Variants in SREBF2 observed in about 807,000 individuals in gnomAD.
SREBF2 encodes the protein sterol regulatory element binding transcription factor 2.
SREBF2 carries 55 observed loss-of-function variants against 113.1 expected under a neutral mutation model. That is an observed-to-expected ratio of 0.49 (90% CI 0.39 to 0.61). SREBF2 has a LOEUF of 0.61. Ranked by LOEUF, SREBF2 falls within the 20% of genes least tolerant of loss-of-function variation. The pLI, the probability that SREBF2 is intolerant of heterozygous loss-of-function variation, is 0.00. For synonymous variants in SREBF2, 593 were observed against 605.7 expected, an observed-to-expected ratio of 0.98 and a Z score of 0.31; for missense variants, 1,349 against 1,487.4, an observed-to-expected ratio of 0.91 and a Z score of 1.53.
chr22:41,880,854 G>T lies in SREBF2; in HGVS notation c.1900G>T (p.Val634Leu). 1 of 1,614,062 alleles carries T rather than the reference G, an allele frequency of 6.2e-7. No homozygotes were observed. Among genetic ancestry groups the T allele is most frequent in the South Asian group, 1.1e-5 (1 of 91,090 alleles). ...CTACAGCCTGCAGAAGCTACGCCTG[G>T]TGCGCTGGCTGCTCAAGAAAGTCTT... ...IRYSLQKLRL[V>L]RWLLKKVFQC... Residue 634 changes from valine to leucine, a missense_variant, in exon 10 of 19, where the codon GTG (valine) becomes TTG (leucine). Val to Leu is a conservative substitution (Grantham distance 32, BLOSUM62 1). Coordinates refer to ENST00000361204, the MANE Select transcript of SREBF2 (RefSeq NM_004599.4).
intron 5 of SREBF2, among the ~76,000 whole-genome samples, chr22:41,874,879 C>G (rs528532403): frequency 1.3e-5 from 2 of 152,090 alleles, no homozygotes; most frequent in South Asian, 4.2e-4. Flanking sequence ...TGCACTCCAT[C>G]CTGGGCAACA....
At chr22:41,892,564 C>G (rs542042643) in intron 11 of SREBF2, among the ~76,000 whole-genome samples, 1 of 145,746 alleles carries the variant, frequency 6.9e-6, no homozygotes, top group Admixed American at 7.1e-5. Context: ...AGGAGAATGG[C>G]GTGAACCCGG....
chr22:41,846,642 C>T (rs1408639935), intron 1 of SREBF2, among the ~76,000 whole-genome samples: 1 of 152,254 alleles, frequency 6.6e-6, no homozygotes, highest in Non-Finnish European at 1.5e-5. Context: ...CTCCATCTCT[C>T]CATTTTGCAC....
At chr22:41,884,768 C>T (rs981264236) in intron 10 of SREBF2, 74 bp from the exon 11 acceptor site, 15 of 1,522,698 alleles carry the variant, frequency 9.9e-6, no homozygotes, top group African/African-American at 4.1e-5. Context: ...TTACTTTGAT[C>T]GTGCTGGAGA....
chr22:41,834,441 A>G (rs759921203), intron 1 of SREBF2: 2 of 152,628 alleles, frequency 1.3e-5, no homozygotes, highest in African/African-American at 2.4e-5. Flanking sequence ...AAGGCCACTC[A>G]CCTTAGAGAG....
Position 41,874,037 on chromosome 22 carries a change from T to C in SREBF2, c.1089+18T>C. ...ACGCCAAGGTGGGTGCCAAGCAAAA[T>C]TGTGTTTTATGTTCCACCATCTCCC... On this transcript the variant is annotated intron_variant, in intron 5 of 18. Coordinates refer to ENST00000361204, the MANE Select transcript of SREBF2 (RefSeq NM_004599.4). 1 of 1,613,754 alleles carries C rather than the reference T, an allele frequency of 6.2e-7. No individual in the cohort carries two copies. Among genetic ancestry groups the C allele is most frequent in the Non-Finnish European group, 8.5e-7 (1 of 1,179,848 alleles).
At chr22:41,895,926 G>A (rs1017653437) in intron 13 of SREBF2, among the ~76,000 whole-genome samples, 2 of 151,918 alleles carry the variant, frequency 1.3e-5, no homozygotes, top group African/African-American at 2.4e-5. Context: ...GGCAGATCAC[G>A]AGGTCAGGAG....
In SREBF2 at chr22:41,905,668, G is replaced by A; in HGVS notation, c.*8G>A. On this transcript the variant is annotated 3_prime_UTR_variant, in exon 19 of 19. Transcript: ENST00000361204. ...GCCATTGCCGCCTCCTGACCACCAG[G>A]CTCAGCCCACCCCTCCACCTCTCTC... 1 of 1,566,518 alleles carries A rather than the reference G, an allele frequency of 6.4e-7. No individual in the cohort carries two copies. Among genetic ancestry groups the A allele is most frequent in the African/African-American group, 1.4e-5 (1 of 73,836 alleles).
At position 41,900,495 on chromosome 22, in the gene SREBF2, C is replaced by T. The variant is rs1347977430; in HGVS notation, c.2904C>T (p.Asn968=). 1.2e-6 allele frequency: 2 copies of T among 1,612,788 alleles called. No homozygotes were observed. Among genetic ancestry groups the T allele is most frequent in the East Asian group, 2.2e-5 (1 of 44,874 alleles). ...VSGATSDPAL[N]HVVQLLTCDL... ...GGGCCACCTCTGACCCTGCCCTCAA[C>T]CACGTGAGTGGGAGCTGAGTTGGCC... is the stretch of plus-strand genomic sequence containing the variant. The change falls in exon 16 of 19, where the codon AAC becomes AAT. Residue 968 remains asparagine (N), a synonymous_variant. Transcript: ENST00000361204.
At position 41,833,331 on chromosome 22, in the gene SREBF2, G is replaced by A. The variant is rs1232701701; in HGVS notation, c.61G>A (p.Asp21Asn). ...ETMETLTELG[D>N]ELTLGDIDEM... ...CATGGAGACCCTCACGGAGCTGGGC[G>A]ACGAGCTGACCCTGGGAGACATCGA... The change falls in exon 1 of 19, where the codon GAC becomes AAC. Residue 21 changes from aspartate (D) to asparagine (N), a missense_variant. Around this residue, in one of 2 missense-constraint regions of SREBF2, gnomAD observed 699 missense variants for 843.3 expected, o/e 0.83. Coordinates refer to ENST00000361204, the MANE Select transcript of SREBF2 (RefSeq NM_004599.4). The surrounding 1 kb of genome is among the most constrained non-coding windows in gnomAD (Gnocchi z 4.1). The A allele has an allele frequency of 3.2e-6, 4 of 1,262,694 alleles. No homozygotes were observed. The highest frequency in any genetic ancestry group is 4.1e-6 in the Non-Finnish European group (4 of 964,822). 78.2% of individuals were successfully genotyped at this position (1,262,694 alleles called of 1,614,324 possible).
At chr22:41,878,689 C>T in intron 9 of SREBF2, 1 of 1,304,284 alleles carries the variant, frequency 7.7e-7, no homozygotes, top group South Asian at 1.2e-5. Flanking sequence ...TGGGGCAACT[C>T]ACAGCATTGA....
chr22:41,874,045 T>C (rs1173989664), intron 5 of SREBF2, 26 bp downstream of exon 5: 3 of 1,613,306 alleles, frequency 1.9e-6, no homozygotes, highest in Non-Finnish European at 2.5e-6. Context: ...AATTGTGTTT[T>C]ATGTTCCACC....
chr22:41,899,419 A>T (rs540725239), intron 15 of SREBF2: 1 of 1,002,426 alleles, frequency 1.0e-6, no homozygotes, highest in Non-Finnish European at 1.2e-6. Flanking sequence ...TTCTAATTGG[A>T]TCTGAGTATT....
chr22:41,891,329 T>C (rs1001552809), intron 11 of SREBF2: 1 of 152,302 alleles, frequency 6.6e-6, no homozygotes, highest in East Asian at 1.9e-4. Context: ...TTCTCCAGTA[T>C]CCAGTATCAA....
intron 1 of SREBF2, among the ~76,000 whole-genome samples, chr22:41,859,834 G>C (rs531817454): frequency 2.6e-5 from 3 of 113,276 alleles, no homozygotes; most frequent in Non-Finnish European, 5.2e-5. Flanking sequence ...TTTTTGAGAC[G>C]GAGTCTCGCT....
intron 13 of SREBF2, among the ~76,000 whole-genome samples, chr22:41,896,482 C>T (rs968444963): frequency 6.6e-6 from 1 of 152,164 alleles, no homozygotes; most frequent in African/African-American, 2.4e-5. Context: ...GCCTCAGCCT[C>T]CCAAGTAGCT....
In SREBF2 at chr22:41,905,536, A is replaced by G; in HGVS notation, c.3302A>G (p.Gln1101Arg). The G allele has an allele frequency of 1.9e-6, 3 of 1,588,896 alleles. No homozygotes were observed. Among genetic ancestry groups the G allele is most frequent in the Non-Finnish European group, 2.6e-6 (3 of 1,168,332 alleles). Residue 1101 changes from glutamine (Q) to arginine (R), a missense_variant, in exon 19 of 19, where the codon CAG becomes CGG. By Grantham distance (43) the Gln-to-Arg change is conservative. Transcript: ENST00000361204. ...CTCTCCTTCCTCTCCTCCCCGGGCC[A>G]GCGGGCAGTGCTGCTGGCCGAAGCT... Reference protein sequence around the residue: ...LPLSFLSSPGQRAVLLAEAAR... With the variant: ...LPLSFLSSPGRRAVLLAEAAR...
chr22:41,902,845 G>T, intron 16 of SREBF2, 125 bp from the exon 17 acceptor site: 1 of 1,068,414 alleles, frequency 9.4e-7, no homozygotes, highest in South Asian at 1.4e-5. Flanking sequence ...CCAGACTCTG[G>T]GGCTCTCCAC....
At chr22:41,845,895 G>T (rs1368330696) in intron 1 of SREBF2, among the ~76,000 whole-genome samples, 3 of 152,212 alleles carry the variant, frequency 2.0e-5, no homozygotes, top group African/African-American at 7.2e-5. Flanking sequence ...AATGTGGAAG[G>T]TCTGGGATGT....
Sources: gnomAD v4.1 joint callset for allele counts (sites outside exome capture counted in the v4.1 genomes callset) on GRCh38, gnomAD v4.1.1 for gene constraint, gnomAD v4.1.1 regional missense constraint, Gnocchi (gnomAD v3.1) non-coding constraint, MANE v1.5 for transcripts, NCBI Gene and HGNC (gene_info 2026-07-23, HGNC 2026-07-21) for gene names.